FAF1: variants seen among roughly 807,000 people sequenced by gnomAD.
FAF1 encodes Fas associated factor 1.
A neutral mutation model predicts 92.5 loss-of-function variants in FAF1; 25 were observed. The observed-to-expected ratio is 0.27, with a 90% confidence interval of 0.20 to 0.38. The LOEUF (loss-of-function observed/expected upper bound fraction) is 0.38. Ranked by LOEUF, FAF1 falls within the 10% of genes least tolerant of loss-of-function variation. The pLI, the probability that FAF1 is intolerant of heterozygous loss-of-function variation, is 1.00. For missense variants in FAF1, 636 were observed against 793.3 expected, an observed-to-expected ratio of 0.80 and a Z score of 2.38; for synonymous variants, 234 against 273.2, an observed-to-expected ratio of 0.86 and a Z score of 1.42.
intron 8 of FAF1, among the ~76,000 whole-genome samples, chr1:50,599,094 C>T (rs1230448417): frequency 6.6e-6 from 1 of 152,040 alleles, no homozygotes; most frequent in East Asian, 1.9e-4. Context: ...TGGCATTAGA[C>T]TTTTTCACTG....
intron 1 of FAF1, among the ~76,000 whole-genome samples, chr1:50,913,749 A>G (rs952228748): frequency 5.9e-5 from 9 of 152,222 alleles, no homozygotes; most frequent in Admixed American, 5.9e-4. Flanking sequence ...TATCGTAAAG[A>G]TACTAAAAAA....
intron 17 of FAF1, among the ~76,000 whole-genome samples, chr1:50,487,073 A>G (rs1487309234): frequency 6.6e-6 from 1 of 152,176 alleles, no homozygotes; most frequent in Non-Finnish European, 1.5e-5. Context: ...ATAACTTGCC[A>G]TTGTCACACA....
chr1:50,560,838 G>A (rs1167577040), intron 13 of FAF1, among the ~76,000 whole-genome samples: 1 of 152,184 alleles, frequency 6.6e-6, no homozygotes, highest in Non-Finnish European at 1.5e-5. Context: ...TAATACTGGT[G>A]GTTCATTGTG....
chr1:50,578,637 A>G (rs1432729153), intron 12 of FAF1, among the ~76,000 whole-genome samples: 1 of 152,150 alleles, frequency 6.6e-6, no homozygotes, highest in Non-Finnish European at 1.5e-5. Context: ...GGACTTTCTC[A>G]TCTCTAAAAT....
chr1:50,783,983 G>C (rs953771484), intron 4 of FAF1, among the ~76,000 whole-genome samples: 1 of 152,100 alleles, frequency 6.6e-6, no homozygotes, highest in African/African-American at 2.4e-5. Flanking sequence ...GCTTTTGACA[G>C]AAGTCAACAT....
intron 7 of FAF1, among the ~76,000 whole-genome samples, chr1:50,670,127 G>GAAAAA (rs1008153553): frequency 1.3e-5 from 1 of 74,722 alleles, no homozygotes; most frequent in Non-Finnish European, 2.8e-5. Context: ...GTCTCAAAAA[G>GAAAAA]AAAAAAAAAA....
intron 7 of FAF1, among the ~76,000 whole-genome samples, chr1:50,658,284 T>A (rs1175062169): frequency 1.3e-5 from 2 of 152,098 alleles, no homozygotes; most frequent in Admixed American, 1.3e-4. Context: ...ACCAACCTTA[T>A]CAGCTATTTT....
chr1:50,519,991 T>C (rs1647418962), intron 15 of FAF1, among the ~76,000 whole-genome samples: 1 of 152,218 alleles, frequency 6.6e-6, no homozygotes, highest in Non-Finnish European at 1.5e-5. Context: ...ATCATCCATA[T>C]ATCTCCTGGT....
intron 1 of FAF1, among the ~76,000 whole-genome samples, chr1:50,916,570 T>C (rs1557588168): frequency 6.6e-6 from 1 of 152,166 alleles, no homozygotes; most frequent in Non-Finnish European, 1.5e-5. Context: ...TCTCTAAACG[T>C]AGAAACAAAG....
chr1:50,649,798 A>G (rs566835156), intron 8 of FAF1, among the ~76,000 whole-genome samples: 48 of 151,020 alleles, frequency 3.2e-4, no homozygotes, highest in African/African-American at 1.0e-3. Context: ...AAAAAAAAAA[A>G]AAAGAAAAAG....
intron 13 of FAF1, among the ~76,000 whole-genome samples, chr1:50,540,001 T>C (rs1437992946): frequency 2.0e-5 from 3 of 152,024 alleles, no homozygotes; most frequent in African/African-American, 7.2e-5. Context: ...AGACAGAGTC[T>C]CTCTCTGTCA....
At chr1:50,745,520 G>T (rs183673822) in intron 4 of FAF1, among the ~76,000 whole-genome samples, 292 of 152,244 alleles carry the variant, frequency 1.9e-3, no homozygotes, top group Non-Finnish European at 3.5e-3. Flanking sequence ...ATAGGGGGCT[G>T]ATTTCCCTCT....
At chr1:50,554,605 C>T (rs960957694) in intron 13 of FAF1, among the ~76,000 whole-genome samples, 1 of 151,928 alleles carries the variant, frequency 6.6e-6, no homozygotes, top group Non-Finnish European at 1.5e-5. Context: ...AAATTACTGT[C>T]GTCTTCTTCA....
intron 1 of FAF1, among the ~76,000 whole-genome samples, chr1:50,920,172 TCGCCTGTAGTCC>T (rs1644951555): frequency 6.6e-6 from 1 of 151,716 alleles, no homozygotes; most frequent in African/African-American, 2.4e-5. Flanking sequence ...GTGGTGGCAC[TCGCCTGTAGTCC>T]CAGCTACTCG....
intron 1 of FAF1, among the ~76,000 whole-genome samples, chr1:50,933,922 C>A (rs566953945): frequency 2.7e-4 from 41 of 152,240 alleles, no homozygotes; most frequent in African/African-American, 7.9e-4. Context: ...TTCACTATCA[C>A]GAGAATAGCA....
At chr1:50,518,797 T>C (rs1647335559) in intron 15 of FAF1, among the ~76,000 whole-genome samples, 1 of 152,168 alleles carries the variant, frequency 6.6e-6, no homozygotes, top group Non-Finnish European at 1.5e-5. Context: ...GAGCAGTAGG[T>C]TGCTGTATCA....
chr1:50,585,441 G>T (rs1248415172), intron 9 of FAF1, among the ~76,000 whole-genome samples: 1 of 152,150 alleles, frequency 6.6e-6, no homozygotes, highest in Non-Finnish European at 1.5e-5. Flanking sequence ...GAGCACTGAT[G>T]AATATGCTCT....
intron 15 of FAF1, among the ~76,000 whole-genome samples, chr1:50,505,294 TACACAGGA>T (rs1306111218): frequency 6.6e-6 from 1 of 152,134 alleles, no homozygotes; most frequent in Non-Finnish European, 1.5e-5. Context: ...GGAAATTCCT[TACACAGGA>T]ACATGTTCAC....
intron 7 of FAF1, among the ~76,000 whole-genome samples, chr1:50,689,297 T>C (rs1557476464): frequency 6.6e-6 from 1 of 151,934 alleles, no homozygotes. Context: ...TGAAAACATA[T>C]GTCCAGGCCA....
Sources: gnomAD v4.1 joint callset for allele counts (sites outside exome capture counted in the v4.1 genomes callset) on GRCh38, gnomAD v4.1.1 for gene constraint, MANE v1.5 for transcripts, NCBI Gene and HGNC (gene_info 2026-07-23, HGNC 2026-07-21) for gene names.